Variants in DAB2IP observed in about 807,000 individuals in gnomAD.
The protein encoded by DAB2IP is disabled homolog 2-interacting protein.
In DAB2IP, 28 loss-of-function variants were observed where a neutral mutation model predicts 107.2. The ratio of observed to expected loss-of-function variants is 0.26; its 90% confidence interval spans 0.19 to 0.36. The LOEUF (loss-of-function observed/expected upper bound fraction) is 0.36, where lower values mean the gene tolerates loss of function less well. Ranked by LOEUF, DAB2IP falls within the 10% of genes least tolerant of loss-of-function variation. DAB2IP has a pLI of 1.00. For synonymous variants in DAB2IP, 755 were observed against 706.4 expected (o/e 1.07, Z -1.09); for missense variants, 1,400 against 1,644.7 (o/e 0.85, Z 2.57).
intron 1 of DAB2IP, among the ~76,000 whole-genome samples, chr9:121,658,511 G>A (rs1833063252): frequency 6.6e-6 from 1 of 152,116 alleles, no homozygotes; most frequent in Admixed American, 6.5e-5. Context: ...TAGCCATCCC[G>A]ATTCAGTAGA....
intron 1 of DAB2IP, among the ~76,000 whole-genome samples, chr9:121,643,403 T>G (rs1205653861): frequency 1.3e-5 from 2 of 152,000 alleles, no homozygotes; most frequent in Non-Finnish European, 2.9e-5. Context: ...ACCACTTCTC[T>G]TCTTCCCCTC....
intron 1 of DAB2IP, among the ~76,000 whole-genome samples, chr9:121,629,117 C>T (rs1460921254): frequency 6.6e-6 from 1 of 152,140 alleles, no homozygotes; most frequent in Non-Finnish European, 1.5e-5. Context: ...CAGTGATGGA[C>T]CCAAGGTGCT....
chr9:121,604,364 A>G (rs1055525979), intron 1 of DAB2IP, among the ~76,000 whole-genome samples: 11 of 152,176 alleles, frequency 7.2e-5, no homozygotes, highest in African/African-American at 2.7e-4. Context: ...GTGGGCCTCC[A>G]GCAACCCAGC....
intron 3 of DAB2IP, among the ~76,000 whole-genome samples, chr9:121,717,402 G>C (rs1344879396): frequency 2.6e-5 from 4 of 152,224 alleles, no homozygotes; most frequent in Non-Finnish European, 4.4e-5. Context: ...AGGAAACACT[G>C]CATCCTTTTC....
intron 1 of DAB2IP, among the ~76,000 whole-genome samples, chr9:121,627,999 C>G (rs1422580807): frequency 6.6e-6 from 1 of 152,170 alleles, no homozygotes; most frequent in Admixed American, 6.5e-5. Context: ...GGCTTGGGTG[C>G]CAGCATCCCT....
chr9:121,651,632 G>C lies in DAB2IP; in HGVS notation c.-144G>C, dbSNP rs1832741914. On this transcript the variant is annotated 5_prime_UTR_variant, in exon 1 of 16. Transcript: ENST00000408936. The surrounding 1 kb of genome is among the most constrained non-coding windows in gnomAD (Gnocchi z 5.1). ...GGCAGGAGGCGGAGGAGGAGTTTGA[G>C]CGACTTTGTGGGGCAGCCAGGGCCT... 9.4e-7 allele frequency: 1 copy of C among 1,059,998 alleles called. No individual in the cohort carries two copies. Among genetic ancestry groups the C allele is most frequent in the South Asian group, 4.6e-5 (1 of 21,960 alleles). 65.7% of individuals were successfully genotyped at this position (1,059,998 alleles called of 1,614,324 possible). A position where few individuals can be genotyped will look rare whatever the true frequency, so the allele number is the denominator to read the frequency against.
intron 1 of DAB2IP, among the ~76,000 whole-genome samples, chr9:121,645,319 C>G (rs972428282): frequency 2.0e-5 from 3 of 152,148 alleles, no homozygotes; most frequent in African/African-American, 7.2e-5. Context: ...GGGGCTGGGG[C>G]CTGGAGAGTG....
At chr9:121,783,819 C>T (rs1835825540) in exon 16 of DAB2IP, 1 of 539,942 alleles carries the variant, frequency 1.9e-6, no homozygotes, top group Non-Finnish European at 3.3e-6. Flanking sequence ...TTATCTGCCC[C>T]TCCCCCACTT....
At chr9:121,576,376 C>T (rs1392271627) in intron 1 of DAB2IP, among the ~76,000 whole-genome samples, 2 of 152,062 alleles carry the variant, frequency 1.3e-5, no homozygotes, top group African/African-American at 4.8e-5. Flanking sequence ...CTTACCTTTG[C>T]ACTTGCTCTT....
intron 1 of DAB2IP, among the ~76,000 whole-genome samples, chr9:121,590,085 A>C (rs913136926): frequency 2.0e-5 from 3 of 151,772 alleles, no homozygotes; most frequent in Non-Finnish European, 4.4e-5. Flanking sequence ...TCTTCCCTGG[A>C]AACAGCTGTT....
Position 121,584,370 on chromosome 9 carries a change from T to C in DAB2IP, c.40+17142T>C, listed in dbSNP as rs542722330. Among the ~76,000 whole-genome samples the C allele has an allele frequency of 7.9e-5, 12 of 151,590 alleles. No individual in the cohort carries two copies. In the South Asian group the frequency reaches 2.5e-3, roughly 32 times the overall value. On this transcript the variant is annotated intron_variant, in intron 1 of 16. Coordinates refer to the DAB2IP transcript ENST00000259371. ...GTGAATTATAATGTGATCACGCCAC[T>C]GCACTCTAGACAGGGCAACAGAGCA...
chr9:121,778,670 T>C (rs1271783882), intron 14 of DAB2IP, among the ~76,000 whole-genome samples: 1 of 152,200 alleles, frequency 6.6e-6, no homozygotes, highest in Non-Finnish European at 1.5e-5. Context: ...TCAAAAGTAT[T>C]TTAGGCTTTG....
At chr9:121,573,413 C>G (rs763704729) in intron 1 of DAB2IP, among the ~76,000 whole-genome samples, 2 of 151,682 alleles carry the variant, frequency 1.3e-5, no homozygotes, top group South Asian at 4.2e-4. Context: ...GAGATAGAGT[C>G]TCACTCTGTC....
intron 3 of DAB2IP, among the ~76,000 whole-genome samples, chr9:121,735,295 C>T (rs1346517702): frequency 2.0e-5 from 3 of 152,124 alleles, no homozygotes. Flanking sequence ...AGCCTGGAGC[C>T]TAGGGCCCAG....
chr9:121,724,124 T>C (rs934450795), intron 3 of DAB2IP, among the ~76,000 whole-genome samples: 2 of 152,114 alleles, frequency 1.3e-5, no homozygotes, highest in South Asian at 4.1e-4. Context: ...GTGTGCTGTG[T>C]GCCCTGCCGT....
At chr9:121,682,808 G>A (rs928222134) in intron 2 of DAB2IP, among the ~76,000 whole-genome samples, 4 of 152,162 alleles carry the variant, frequency 2.6e-5, no homozygotes, top group African/African-American at 4.8e-5. Context: ...CAGCTTTGTG[G>A]CTTGCTCAGG....
chr9:121,591,051 A>T (rs932217350), intron 1 of DAB2IP, among the ~76,000 whole-genome samples: 2 of 152,198 alleles, frequency 1.3e-5, no homozygotes, highest in African/African-American at 4.8e-5. Context: ...GAATGGAGAA[A>T]AGTGTTCTGA....
chr9:121,647,588 T>C (rs973165380), upstream of DAB2IP, among the ~76,000 whole-genome samples: 5 of 152,042 alleles, frequency 3.3e-5, no homozygotes, highest in Non-Finnish European at 7.4e-5. Flanking sequence ...AGGGGAATTT[T>C]TTGGGTCCAT....
At position 121,609,957 on chromosome 9, in the gene DAB2IP, G is replaced by T. The variant is rs10985333; in HGVS notation, c.40+42729G>T. Among the ~76,000 whole-genome samples, 1,193 of 152,196 alleles carry T rather than the reference G, an allele frequency of 7.8e-3. 12 individuals carry two copies. The highest frequency in any genetic ancestry group is 0.011 in the Non-Finnish European group (716 of 68,006). On this transcript the variant is annotated intron_variant, in intron 1 of 16. Transcript: ENST00000259371. ...GTTCCCAGAGAGGGCTCCTGGCGTC[G>T]GTGTGGCTTAGTCACAGGGATGAGA...
Sources: allele counts gnomAD v4.1 joint callset (sites outside exome capture counted in the v4.1 genomes callset), GRCh38; gene constraint gnomAD v4.1.1; non-coding constraint Gnocchi (gnomAD v3.1); transcripts MANE v1.5; gene names NCBI Gene and HGNC (gene_info 2026-07-23, HGNC 2026-07-21).